The following ALKAL1 variants were observed in gnomAD, a reference collection of about 807,000 sequenced individuals.
The protein encoded by ALKAL1 is AUG-beta.
A neutral mutation model predicts 13.5 loss-of-function variants in ALKAL1; 23 were observed. That is an observed-to-expected ratio of 1.70 (90% CI 1.23 to 2.41). The LOEUF is 2.41. Ranked by LOEUF, ALKAL1 falls within the 30% of genes most tolerant of loss-of-function variation. ALKAL1 has a pLI of 0.00. For synonymous variants in ALKAL1, 85 were observed against 77.7 expected, an observed-to-expected ratio of 1.09 and a Z score of -0.49; for missense variants, 181 against 178.4, an observed-to-expected ratio of 1.01 and a Z score of -0.08.
At chr8:52,539,797 A>T in intron 3 of ALKAL1, 34 bp downstream of exon 3, 1 of 1,189,902 alleles carries the variant, frequency 8.4e-7, no homozygotes. Context: ...TTGTTGGATA[A>T]TTAAAAAAAA....
chr8:52,560,639 G>A (rs1171875844), intron 1 of ALKAL1, among the ~76,000 whole-genome samples: 1 of 152,220 alleles, frequency 6.6e-6, no homozygotes, highest in Non-Finnish European at 1.5e-5. Context: ...GGGTGATTCT[G>A]TTGACCTCTG....
chr8:52,538,656 A>T (rs1464801745), intron 3 of ALKAL1, 149 bp from the exon 4 acceptor site: 3 of 600,826 alleles, frequency 5.0e-6, no homozygotes, highest in Non-Finnish European at 8.9e-6. Context: ...TTTCTCATCA[A>T]TTCTTTCAAT....
At chr8:52,557,510 T>A (rs928315178) in intron 1 of ALKAL1, among the ~76,000 whole-genome samples, 4 of 152,212 alleles carry the variant, frequency 2.6e-5, no homozygotes, top group Non-Finnish European at 2.9e-5. Flanking sequence ...GGGTTTCAAT[T>A]TTCGGTGTTT....
intron 1 of ALKAL1, among the ~76,000 whole-genome samples, chr8:52,543,452 A>T (rs1390980213): frequency 1.3e-5 from 2 of 152,206 alleles, no homozygotes; most frequent in Non-Finnish European, 2.9e-5. Context: ...ACGTGGGAAC[A>T]CTTCCCTGTG....
rs1335351739 is a variant in ALKAL1, at chr8:52,539,946, T to C, written c.245-35A>G. ...AGGAAAAGAATGCTTATTATAAACA[T>C]AGGCATGTTTTCCAAACAAATTTCC... On this transcript the variant is annotated intron_variant, in intron 2 of 4. Transcript: ENST00000358543. 10 of 1,585,526 alleles carry C rather than the reference T, an allele frequency of 6.3e-6. No homozygotes were observed. In the East Asian group the frequency reaches 6.7e-5, roughly 11 times the overall value.
At chr8:52,546,161 T>A (rs1847366553) in intron 1 of ALKAL1, among the ~76,000 whole-genome samples, 1 of 152,248 alleles carries the variant, frequency 6.6e-6, no homozygotes, top group African/African-American at 2.4e-5. Context: ...TTGTGGCACG[T>A]GACTGTAACT....
rs544626954 is a variant in ALKAL1 at position 52,565,218 on chromosome 8, G to A, written c.39C>T (p.Leu13=). The A allele has an allele frequency of 1.4e-4, 181 of 1,334,372 alleles. 2 individuals carry two copies. The African/African-American group carries it at 2.6e-3, about 19-fold the overall frequency. 82.7% of individuals were successfully genotyped at this position (1,334,372 alleles called of 1,614,324 possible). A position where few individuals can be genotyped will look rare whatever the true frequency, so the allele number is the denominator to read the frequency against. ...GGGACAAAGCCAGCGCCAGCAGGAA[G>A]AGTGCGGGCAAAGGGGCGCCGGGCT... ...PLKPGAPLPA[L]FLLALALSPH... The change falls in exon 1 of 5, where the codon CTC becomes CTT. Residue 13 remains leucine (L), a synonymous_variant. Transcript: ENST00000358543.
At chr8:52,555,104 G>C (rs2150347058) in intron 1 of ALKAL1, among the ~76,000 whole-genome samples, 1 of 151,784 alleles carries the variant, frequency 6.6e-6, no homozygotes. Flanking sequence ...CTGGGAGGCG[G>C]AGCTTGCAGT....
intron 1 of ALKAL1, among the ~76,000 whole-genome samples, chr8:52,558,119 C>A (rs1307504769): frequency 3.3e-5 from 5 of 151,318 alleles, no homozygotes; most frequent in African/African-American, 1.2e-4. Context: ...CATGGCAAAA[C>A]CCTGTCTCTA....
At chr8:52,545,605 A>G (rs1156397286) in intron 1 of ALKAL1, among the ~76,000 whole-genome samples, 3 of 147,254 alleles carry the variant, frequency 2.0e-5, no homozygotes, top group Non-Finnish European at 3.0e-5. Flanking sequence ...TGTACATCTT[A>G]CACATATTGA....
rs549861296 is a variant in ALKAL1 at position 52,556,626 on chromosome 8, G to A, written c.190+8441C>T. ...CGCGCCACTGCACTCCAGCCTGGGCGACAGAGCGAAACTCTGTCTCAAAAA... is the reference window on the plus strand; with the variant it reads ...CGCGCCACTGCACTCCAGCCTGGGCAACAGAGCGAAACTCTGTCTCAAAAA... On this transcript the variant is annotated intron_variant, in intron 1 of 4. Coordinates refer to ENST00000358543, the MANE Select transcript of ALKAL1 (RefSeq NM_207413.4). 1.4e-4 allele frequency among the ~76,000 whole-genome samples: 15 copies of A among 109,140 alleles called. No homozygotes were observed. The East Asian group carries it at 2.3e-3, about 16-fold the overall frequency. 71.6% of individuals were successfully genotyped at this position (109,140 alleles called of 152,430 possible).
intron 1 of ALKAL1, among the ~76,000 whole-genome samples, chr8:52,557,442 A>G (rs753058907): frequency 1.3e-5 from 2 of 152,250 alleles, no homozygotes; most frequent in African/African-American, 4.8e-5. Context: ...TCAATAGCCA[A>G]TCTGATACTG....
At chr8:52,561,013 G>A (rs1847544288) in intron 1 of ALKAL1, among the ~76,000 whole-genome samples, 1 of 152,052 alleles carries the variant, frequency 6.6e-6, no homozygotes, top group South Asian at 2.1e-4. Context: ...ATCATTTCTT[G>A]TGCCTACATA....
At chr8:52,540,996 C>A (rs567749900) in intron 2 of ALKAL1, among the ~76,000 whole-genome samples, 9 of 152,030 alleles carry the variant, frequency 5.9e-5, no homozygotes, top group Non-Finnish European at 1.2e-4. Context: ...AGGTGTAAAA[C>A]AAGAAAAAAG....
chr8:52,542,746 C>T (rs1847326451), intron 1 of ALKAL1, among the ~76,000 whole-genome samples: 2 of 152,242 alleles, frequency 1.3e-5, no homozygotes, highest in Admixed American at 1.3e-4. Flanking sequence ...CCTCAGTCCA[C>T]TGAAGACTGA....
chr8:52,549,265 T>A (rs1397695503), intron 1 of ALKAL1, among the ~76,000 whole-genome samples: 2 of 152,058 alleles, frequency 1.3e-5, no homozygotes, highest in African/African-American at 4.8e-5. Flanking sequence ...ATAAATCTAA[T>A]CATTGTATAA....
intron 1 of ALKAL1, among the ~76,000 whole-genome samples, chr8:52,551,939 T>C (rs1847434694): frequency 6.6e-6 from 1 of 152,178 alleles, no homozygotes; most frequent in Non-Finnish European, 1.5e-5. Context: ...TCTCCTATTA[T>C]TAACATTACA....
Position 52,548,068 on chromosome 8 carries a change from G to A in ALKAL1, c.191-5623C>T, listed in dbSNP as rs531095107. On this transcript the variant is annotated intron_variant, in intron 1 of 4. Coordinates refer to ENST00000358543, the MANE Select transcript of ALKAL1 (RefSeq NM_207413.4). ...GCATAAGTCTGAAATGTAACTTTAC[G>A]CCGGGTGCAGTGGCTTATGCCTGTA... Among the ~76,000 whole-genome samples, 79 of 152,320 alleles carry A rather than the reference G, an allele frequency of 5.2e-4. 2 individuals are homozygous for A. The highest frequency in any genetic ancestry group is 1.9e-3 in the African/African-American group (77 of 41,574).
At chr8:52,537,871 C>A (rs185430862) in intron 4 of ALKAL1, among the ~76,000 whole-genome samples, 212 of 151,762 alleles carry the variant, frequency 1.4e-3, no homozygotes, top group African/African-American at 5.0e-3. Flanking sequence ...CTGAGGTGGG[C>A]GGATCACTTG....
Sources: gnomAD v4.1 joint callset for allele counts (sites outside exome capture counted in the v4.1 genomes callset) on GRCh38, gnomAD v4.1.1 for gene constraint, MANE v1.5 for transcripts, NCBI Gene and HGNC (gene_info 2026-07-23, HGNC 2026-07-21) for gene names.